AGPAT5: variants seen among roughly 807,000 people sequenced by gnomAD.
AGPAT5 encodes 1-acyl-sn-glycerol-3-phosphate acyltransferase epsilon.
AGPAT5 carries 46 observed loss-of-function variants against 45.6 expected under a neutral mutation model. That is an observed-to-expected ratio of 1.01 (90% confidence interval 0.80 to 1.29). The LOEUF is 1.29. Among genes scored for constraint, AGPAT5 ranks in the 50% most tolerant of loss-of-function variants. The pLI is 0.00. For missense variants in AGPAT5, 673 were observed against 450.7 expected (o/e 1.49, Z -4.47); for synonymous variants, 272 against 167.0 (o/e 1.63, Z -4.85).
chr8:6,735,906 G>A (rs1392788438), intron 4 of AGPAT5, among the ~76,000 whole-genome samples: 1 of 132,752 alleles, frequency 7.5e-6, no homozygotes. Context: ...CCAGGCTGGA[G>A]TGCAGTGGCA....
intron 2 of AGPAT5, among the ~76,000 whole-genome samples, chr8:6,725,593 C>A (rs967192642): frequency 6.6e-6 from 1 of 152,178 alleles, no homozygotes; most frequent in East Asian, 1.9e-4. Context: ...CTTAATATAA[C>A]TGTAGCACAG....
chr8:6,751,645 C>G (rs1801656907), intron 6 of AGPAT5, among the ~76,000 whole-genome samples: 1 of 152,200 alleles, frequency 6.6e-6, no homozygotes, highest in Non-Finnish European at 1.5e-5. Flanking sequence ...TCATGGTTCA[C>G]TGCTTCTTGT....
intron 1 of AGPAT5, chr8:6,709,155 T>C: frequency 1.8e-6 from 1 of 543,534 alleles, no homozygotes; most frequent in South Asian, 2.0e-5. Context: ...CTGATGCTGC[T>C]TAGCAAAGTG....
Position 6,731,369 on chromosome 8 carries a change from A to G in AGPAT5, c.405+543A>G, listed in dbSNP as rs2980681. On this transcript the variant is annotated intron_variant, in intron 3 of 7. Transcript: ENST00000285518. ...AGAACCACCACAGATACCAAAATCTAAGGTGTTCAAGACCCTCATATAGAA... is the reference window on the plus strand; with the variant it reads ...AGAACCACCACAGATACCAAAATCTGAGGTGTTCAAGACCCTCATATAGAA... Among the ~76,000 whole-genome samples the G allele has an allele frequency of 9.9e-5, 15 of 152,220 alleles. No individual in the cohort carries two copies. The East Asian group carries it at 2.9e-3, about 29-fold the overall frequency.
At chr8:6,712,878 TTC>T (rs71732447) in intron 1 of AGPAT5, among the ~76,000 whole-genome samples, 2,463 of 152,352 alleles carry the variant, frequency 0.016, 74 homozygotes, top group East Asian at 0.13. Context: ...AATGTCAGAA[TTC>T]TTTTTTCTTT....
At position 6,730,766 on chromosome 8, in the gene AGPAT5, G is replaced by A; in HGVS notation, c.345G>A (p.Val115=). 1 of 1,613,650 alleles carries A rather than the reference G, an allele frequency of 6.2e-7. No individual in the cohort carries two copies. Among genetic ancestry groups the A allele is most frequent in the South Asian group, 1.1e-5 (1 of 91,050 alleles). The change falls in exon 3 of 8, where the codon GTG becomes GTA. Residue 115 remains valine, a synonymous_variant. Coordinates refer to ENST00000285518, the MANE Select transcript of AGPAT5 (RefSeq NM_018361.5). ...LAIRQNALGH[V]RYVLKEGLKW... ...TCAGGCAGAATGCGCTAGGACATGTGCGCTACGTGCTGAAAGAAGGGTTAA... is the reference window on the plus strand; with the variant it reads ...TCAGGCAGAATGCGCTAGGACATGTACGCTACGTGCTGAAAGAAGGGTTAA...
At chr8:6,719,631 T>C (rs994913677) in intron 1 of AGPAT5, among the ~76,000 whole-genome samples, 1 of 152,222 alleles carries the variant, frequency 6.6e-6, no homozygotes, top group Non-Finnish European at 1.5e-5. Flanking sequence ...GAATCATCAC[T>C]ATTACAGGAC....
At chr8:6,741,557 G>A (rs1801245757) in intron 4 of AGPAT5, 104 bp from the exon 5 acceptor site, 14 of 717,594 alleles carry the variant, frequency 2.0e-5, no homozygotes, top group Non-Finnish European at 3.0e-5. Context: ...TTCTCCTACT[G>A]TAGGAAATAC....
chr8:6,728,713 C>A (rs56030398), intron 2 of AGPAT5, among the ~76,000 whole-genome samples: 1 of 152,110 alleles, frequency 6.6e-6, no homozygotes, highest in African/African-American at 2.4e-5. Context: ...GTGCTGTAGC[C>A]TGGTAACCAT....
At chr8:6,732,476 T>C in intron 3 of AGPAT5, 85 bp from the exon 4 acceptor site, 1 of 960,352 alleles carries the variant, frequency 1.0e-6, no homozygotes, top group South Asian at 1.9e-5. Context: ...TCTGTACTTT[T>C]TGCAAGAGAA....
chr8:6,752,527 A>G (rs556731006), intron 6 of AGPAT5, among the ~76,000 whole-genome samples: 124 of 152,132 alleles, frequency 8.2e-4, no homozygotes, highest in African/African-American at 2.7e-3. Flanking sequence ...CCCCGGCTTC[A>G]TCTTGTTGGA....
chr8:6,718,376 A>C (rs1800400468), intron 1 of AGPAT5, among the ~76,000 whole-genome samples: 1 of 152,184 alleles, frequency 6.6e-6, no homozygotes, highest in Non-Finnish European at 1.5e-5. Flanking sequence ...TGTGATATGA[A>C]GGTCTTGTGT....
intron 2 of AGPAT5, among the ~76,000 whole-genome samples, chr8:6,725,499 C>G (rs80126386): frequency 0.011 from 1,644 of 152,246 alleles, 37 homozygotes; most frequent in African/African-American, 0.037. Flanking sequence ...CTTCTAAAAA[C>G]CTTTGTATTT....
rs764417548 is a variant in AGPAT5, at chr8:6,755,160, C to T, written c.855C>T (p.Phe285=). The T allele has an allele frequency of 1.0e-5, 16 of 1,598,142 alleles. No homozygotes were observed. The East Asian group carries it at 2.3e-4, about 23-fold the overall frequency. The stretch of plus-strand genomic sequence containing the variant: ...TGAGAAGATGGCTGCATGAACGTTT[C>T]GAAATCAAAGATAAGTGAGTAACAA... The part of the protein sequence containing the change: ...EHMRRWLHER[F]EIKDKMLIEF... The change falls in exon 7 of 8, where the codon TTC becomes TTT. Residue 285 remains phenylalanine, a synonymous_variant. Coordinates refer to ENST00000285518, the MANE Select transcript of AGPAT5 (RefSeq NM_018361.5).
chr8:6,710,839 T>C (rs957446758), intron 1 of AGPAT5, among the ~76,000 whole-genome samples: 1 of 152,236 alleles, frequency 6.6e-6, no homozygotes, highest in African/African-American at 2.4e-5. Flanking sequence ...CCTGTGACTT[T>C]GTACCATTAA....
At chr8:6,719,882 G>A (rs1472292735) in intron 1 of AGPAT5, among the ~76,000 whole-genome samples, 1 of 152,190 alleles carries the variant, frequency 6.6e-6, no homozygotes, top group East Asian at 1.9e-4. Flanking sequence ...AGGGGGATAT[G>A]ATCAGAAGAT....
rs1207304685 is a variant in AGPAT5, at chr8:6,758,077, A to T, written c.*689A>T. On this transcript the variant is annotated 3_prime_UTR_variant, in exon 8 of 8. Transcript: ENST00000285518. ...TATAAAATATGAGAACGAAGTTTAA[A>T]ATTGTGACTCTGATTCATTATAGCA... The T allele has an allele frequency of 6.6e-6, 1 of 152,232 alleles. No individual in the cohort carries two copies. 9.4% of individuals were successfully genotyped at this position (152,232 alleles called of 1,614,324 possible).
intron 1 of AGPAT5, among the ~76,000 whole-genome samples, chr8:6,720,549 A>T (rs1800464735): frequency 6.6e-6 from 1 of 152,126 alleles, no homozygotes. Context: ...ATTGGCCAGA[A>T]CCCACAGGAA....
intron 1 of AGPAT5, among the ~76,000 whole-genome samples, chr8:6,712,268 CTG>C (rs1800179689): frequency 1.3e-5 from 2 of 152,122 alleles, no homozygotes; most frequent in Non-Finnish European, 2.9e-5. Flanking sequence ...ATTTGATTAA[CTG>C]TTTTATTTTC....
Sources: gnomAD v4.1 joint callset for allele counts (sites outside exome capture counted in the v4.1 genomes callset) on GRCh38, gnomAD v4.1.1 for gene constraint, MANE v1.5 for transcripts, NCBI Gene and HGNC (gene_info 2026-07-23, HGNC 2026-07-21) for gene names.